Variants in NALF1 observed in about 807,000 individuals in gnomAD.
The protein encoded by NALF1 is NALCN channel auxiliary factor 1.
A neutral mutation model predicts 48.4 loss-of-function variants in NALF1; 3 were observed. The observed-to-expected ratio is 0.06, with a 90% CI of 0.03 to 0.16. The LOEUF (loss-of-function observed/expected upper bound fraction) is 0.16, where lower values mean the gene tolerates loss of function less well. Ranked by LOEUF, NALF1 falls within the 10% of genes least tolerant of loss-of-function variation. The pLI is 1.00. For synonymous variants in NALF1, 262 were observed against 245.7 expected (o/e 1.07, Z -0.62); for missense variants, 526 against 571.5 (o/e 0.92, Z 0.81).
intron 1 of NALF1, among the ~76,000 whole-genome samples, chr13:107,452,218 C>A (rs1029038530): frequency 2.0e-5 from 3 of 152,124 alleles, no homozygotes; most frequent in African/African-American, 7.2e-5. Flanking sequence ...AAATGTAAAA[C>A]CCTGGTGATC....
intron 1 of NALF1, among the ~76,000 whole-genome samples, chr13:107,865,004 C>T (rs2138653221): frequency 6.6e-6 from 1 of 152,282 alleles, no homozygotes; most frequent in South Asian, 2.1e-4. Flanking sequence ...TAGCCTATTG[C>T]TAGTCAATCA....
At chr13:107,865,255 G>T (rs1233224299) in intron 1 of NALF1, among the ~76,000 whole-genome samples, 2 of 152,190 alleles carry the variant, frequency 1.3e-5, no homozygotes, top group Admixed American at 1.3e-4. Context: ...GTTCCTGTGT[G>T]CAGATCTATA....
At chr13:107,379,802 C>T (rs1883399892) in intron 1 of NALF1, among the ~76,000 whole-genome samples, 1 of 152,210 alleles carries the variant, frequency 6.6e-6, no homozygotes, top group African/African-American at 2.4e-5. Context: ...AATGGCACAT[C>T]TTAAGACAAC....
At chr13:107,449,435 G>A (rs761870924) in intron 1 of NALF1, among the ~76,000 whole-genome samples, 10 of 152,094 alleles carry the variant, frequency 6.6e-5, no homozygotes, top group African/African-American at 2.4e-4. Flanking sequence ...GAAAAAGGAA[G>A]AGGTAAAATT....
intron 1 of NALF1, among the ~76,000 whole-genome samples, chr13:107,487,041 G>A (rs373591086): frequency 5.9e-5 from 9 of 152,126 alleles, no homozygotes; most frequent in East Asian, 3.9e-4. Context: ...TTATAGACAC[G>A]AATTCCTCCG....
intron 1 of NALF1, among the ~76,000 whole-genome samples, chr13:107,648,568 G>C (rs1029828975): frequency 2.0e-5 from 3 of 152,066 alleles, no homozygotes; most frequent in African/African-American, 7.2e-5. Context: ...ACAAAAGTTT[G>C]TTTATTCATT....
chr13:107,354,432 T>C (rs1001448465), intron 1 of NALF1, among the ~76,000 whole-genome samples: 1 of 151,910 alleles, frequency 6.6e-6, no homozygotes, highest in Non-Finnish European at 1.5e-5. Flanking sequence ...AGGTCTACTC[T>C]TGGAGATGGC....
chr13:107,569,992 T>C (rs1877939680), intron 1 of NALF1, among the ~76,000 whole-genome samples: 1 of 152,190 alleles, frequency 6.6e-6, no homozygotes, highest in Non-Finnish European at 1.5e-5. Context: ...AATCTCTGTT[T>C]CAATTTGTTC....
At chr13:107,446,895 T>C (rs758650411) in intron 1 of NALF1, among the ~76,000 whole-genome samples, 7 of 152,366 alleles carry the variant, frequency 4.6e-5, no homozygotes, top group Non-Finnish European at 7.3e-5. Flanking sequence ...AACAATCACA[T>C]GAATATTAAG....
rs149832878 is a variant in NALF1 at position 107,604,960 on chromosome 13, T to G, written c.915+260722A>C. Among the ~76,000 whole-genome samples, 37 of 152,318 alleles carry G rather than the reference T, an allele frequency of 2.4e-4. No individual in the cohort carries two copies. The East Asian group carries it at 6.8e-3, about 28-fold the overall frequency. On this transcript the variant is annotated intron_variant, in intron 1 of 2. Transcript: ENST00000375915. ...CAGACCCTATGGCATGTGTTTTACA[T>G]GCATCTTCTCATTACAAGAAAGTAT...
intron 1 of NALF1, among the ~76,000 whole-genome samples, chr13:107,444,769 T>A (rs1342410850): frequency 6.6e-6 from 1 of 152,216 alleles, no homozygotes; most frequent in Non-Finnish European, 1.5e-5. Context: ...AGAAATTTTA[T>A]TTTTAGTACT....
intron 1 of NALF1, among the ~76,000 whole-genome samples, chr13:107,578,279 C>G (rs2138408028): frequency 8.5e-6 from 1 of 117,152 alleles, no homozygotes; most frequent in East Asian, 2.2e-4. Flanking sequence ...GCACAGTACC[C>G]TGTTCTCTCC....
chr13:107,181,839 C>T (rs1024947893), intron 2 of NALF1, among the ~76,000 whole-genome samples: 2 of 151,812 alleles, frequency 1.3e-5, no homozygotes, highest in Non-Finnish European at 2.9e-5. Context: ...CATTCTTTGT[C>T]GTTATAAAGT....
chr13:107,362,006 G>A lies in NALF1; in HGVS notation c.916-151251C>T, dbSNP rs2138955705. On this transcript the variant is annotated intron_variant, in intron 1 of 2. Coordinates refer to ENST00000375915, the MANE Select transcript of NALF1 (RefSeq NM_001080396.3). This position sits in a 1 kb window ranked among gnomAD's most constrained non-coding sequence, Gnocchi z 4.6. Reference sequence around the variant, plus strand: ...TGAATCCTTGTTCTGAGATGTTCTGGGATGGCACCATCATAAACTGGGTCC... The same window carrying A: ...TGAATCCTTGTTCTGAGATGTTCTGAGATGGCACCATCATAAACTGGGTCC... Among the ~76,000 whole-genome samples, 1 of 152,180 alleles carries A rather than the reference G, an allele frequency of 6.6e-6. No homozygotes were observed. The highest frequency in any genetic ancestry group is 6.5e-5 in the Admixed American group (1 of 15,274).
At chr13:107,264,205 TATCA>T (rs1880996670) in intron 1 of NALF1, among the ~76,000 whole-genome samples, 3 of 152,208 alleles carry the variant, frequency 2.0e-5, no homozygotes. Context: ...TTAAATTTTT[TATCA>T]ATTATATTGC....
chr13:107,219,686 C>A (rs556240606), intron 1 of NALF1, among the ~76,000 whole-genome samples: 1 of 152,262 alleles, frequency 6.6e-6, no homozygotes, highest in East Asian at 1.9e-4. Flanking sequence ...ATAATACCAA[C>A]GCACTGAGTA....
intron 1 of NALF1, among the ~76,000 whole-genome samples, chr13:107,687,068 T>C (rs1881449434): frequency 6.6e-6 from 1 of 152,156 alleles, no homozygotes; most frequent in Admixed American, 6.5e-5. Context: ...CATCAATGGA[T>C]GATTGGATAA....
chr13:107,245,373 A>G (rs965680088), intron 1 of NALF1, among the ~76,000 whole-genome samples: 6 of 152,234 alleles, frequency 3.9e-5, no homozygotes, highest in Non-Finnish European at 8.8e-5. Context: ...ATTATGTTTC[A>G]TGAATTACAT....
In NALF1 at chr13:107,480,709, T is replaced by C. The variant is rs185760825; in HGVS notation, c.916-269954A>G. Among the ~76,000 whole-genome samples, 20 of 152,336 alleles carry C rather than the reference T, an allele frequency of 1.3e-4. No individual in the cohort carries two copies. The East Asian group carries it at 1.4e-3, about 10-fold the overall frequency. ...GGCCGTGGGTTGGACAAGCTTACTA[T>C]AGAACATTTAAATCTGTTTATACTA... On this transcript the variant is annotated intron_variant, in intron 1 of 2. Transcript: ENST00000375915.
Sources: allele counts gnomAD v4.1 joint callset (sites outside exome capture counted in the v4.1 genomes callset), GRCh38; gene constraint gnomAD v4.1.1; non-coding constraint Gnocchi (gnomAD v3.1); transcripts MANE v1.5; gene names NCBI Gene and HGNC (gene_info 2026-07-23, HGNC 2026-07-21).